PAPOLA: variants seen among roughly 807,000 people sequenced by gnomAD.
PAPOLA encodes poly(A) polymerase alpha.
PAPOLA carries 15 observed loss-of-function variants against 100.6 expected under a neutral mutation model. The ratio of observed to expected loss-of-function variants is 0.15; its 90% confidence interval spans 0.10 to 0.23. PAPOLA has a LOEUF of 0.23. Ranked by LOEUF, PAPOLA falls within the 10% of genes least tolerant of loss-of-function variation. The pLI, the probability that PAPOLA is intolerant of heterozygous loss-of-function variation, is 1.00. For synonymous variants in PAPOLA, 293 were observed against 300.0 expected, an observed-to-expected ratio of 0.98 and a Z score of 0.24; for missense variants, 533 against 884.2, an observed-to-expected ratio of 0.60 and a Z score of 5.04.
chr14:96,552,626 A>G lies in PAPOLA; in HGVS notation c.1664+4A>G, dbSNP rs1900935104. The G allele has an allele frequency of 3.7e-6, 6 of 1,610,230 alleles. No homozygotes were observed. In the East Asian group the frequency reaches 1.1e-4, roughly 30 times the overall value. On this transcript the variant is annotated splice_donor_region_variant and intron_variant, in intron 17 of 21. Coordinates refer to ENST00000216277, the MANE Select transcript of PAPOLA (RefSeq NM_032632.5). Reference sequence around the variant, plus strand: ...ACAGTTCTGGCAGCTCTCAGGGGTAAGGAAAAAGAGGGAAATAGAAGTGGA... The same window carrying G: ...ACAGTTCTGGCAGCTCTCAGGGGTAGGGAAAAAGAGGGAAATAGAAGTGGA...
chr14:96,523,123 A>T (rs1395012041), intron 3 of PAPOLA, among the ~76,000 whole-genome samples: 2 of 150,868 alleles, frequency 1.3e-5, no homozygotes, highest in African/African-American at 4.8e-5. Flanking sequence ...TTAGTTTCTG[A>T]TAGAAAATAA....
intron 6 of PAPOLA, among the ~76,000 whole-genome samples, chr14:96,529,480 T>C (rs1394089602): frequency 6.6e-6 from 1 of 151,800 alleles, no homozygotes; most frequent in Non-Finnish European, 1.5e-5. Context: ...CCCAGCACTT[T>C]GGGAGGCCAA....
intron 1 of PAPOLA, among the ~76,000 whole-genome samples, chr14:96,506,153 C>T (rs1595490571): frequency 1.3e-5 from 2 of 152,200 alleles, no homozygotes; most frequent in South Asian, 2.1e-4. Flanking sequence ...CCCCCCCCAC[C>T]TCGGCCTCCC....
At position 96,556,398 on chromosome 14, in the gene PAPOLA, A is replaced by G; in HGVS notation, c.1989A>G (p.Lys663=). 6.2e-7 allele frequency: 1 copy of G among 1,605,684 alleles called. No homozygotes were observed. Among genetic ancestry groups the G allele is most frequent in the Non-Finnish European group, 8.5e-7 (1 of 1,172,488 alleles). ...CTCATAAAGAAGAGAGTCCCAAGAA[A>G]ACCAAAACAGAAGAGGTATATATAT... is the stretch of plus-strand genomic sequence containing the variant. The part of the protein sequence containing the change: ...SSPHKEESPK[K]TKTEEDETSE... The change falls in exon 19 of 22, where the codon AAA becomes AAG. Residue 663 remains lysine, a synonymous_variant. Transcript: ENST00000216277.
intron 15 of PAPOLA, among the ~76,000 whole-genome samples, chr14:96,545,118 G>T (rs1191326853): frequency 6.6e-6 from 1 of 151,994 alleles, no homozygotes; most frequent in Non-Finnish European, 1.5e-5. Context: ...GTAGTAAGTG[G>T]CATTTTTATT....
chr14:96,518,639 C>T (rs146891370), intron 1 of PAPOLA, among the ~76,000 whole-genome samples: 216 of 152,030 alleles, frequency 1.4e-3, no homozygotes, highest in African/African-American at 5.0e-3. Flanking sequence ...CCTCGTGATC[C>T]GCCCACCTCG....
rs10138471 is a variant in PAPOLA at position 96,563,440 on chromosome 14, G to C, written c.2142+547G>C. On this transcript the variant is annotated intron_variant, in intron 21 of 21. Transcript: ENST00000216277. ...TAGGCATCTGGAATCTTTTTTCATT[G>C]ATTTGTGAACCTTCATTTTGTTGAA... 1.7e-3 allele frequency among the ~76,000 whole-genome samples: 251 copies of C among 152,066 alleles called. 3 individuals carry two copies. Among genetic ancestry groups the C allele is most frequent in the African/African-American group, 5.9e-3 (245 of 41,504 alleles).
chr14:96,552,014 T>TA (rs1242930826), intron 16 of PAPOLA, among the ~76,000 whole-genome samples: 3 of 152,110 alleles, frequency 2.0e-5, no homozygotes, highest in African/African-American at 4.8e-5. Flanking sequence ...TTTTTGAAAT[T>TA]AAAAAAATTT....
intron 14 of PAPOLA, among the ~76,000 whole-genome samples, 160 bp from the exon 15 acceptor site, chr14:96,543,989 G>A (rs1277871624): frequency 6.6e-6 from 1 of 152,070 alleles, no homozygotes; most frequent in Non-Finnish European, 1.5e-5. Context: ...GAGGACAGGT[G>A]TGGGTGAGGA....
At chr14:96,534,363 A>G (rs1174040990) in intron 9 of PAPOLA, 128 bp from the exon 10 acceptor site, 4 of 1,483,162 alleles carry the variant, frequency 2.7e-6, no homozygotes, top group South Asian at 1.4e-5. Flanking sequence ...AGAAAGGATT[A>G]AAACGTTGTA....
chr14:96,543,538 C>T (rs1900160870), intron 14 of PAPOLA, among the ~76,000 whole-genome samples: 1 of 151,828 alleles, frequency 6.6e-6, no homozygotes, highest in Admixed American at 6.6e-5. Context: ...TTGTGTTATA[C>T]AGTATTCTTA....
chr14:96,533,064 T>G (rs1374299341), intron 9 of PAPOLA: 1 of 979,508 alleles, frequency 1.0e-6, no homozygotes, highest in African/African-American at 1.7e-5. Context: ...TCAGCATTTA[T>G]TTGGCCTAAT....
chr14:96,547,705 A>G (rs1256817804), intron 15 of PAPOLA, 92 bp from the exon 16 acceptor site: 5 of 917,140 alleles, frequency 5.5e-6, no homozygotes, highest in Non-Finnish European at 4.9e-6. Context: ...TGATGGAAAA[A>G]GGATCCCTAC....
intron 19 of PAPOLA, among the ~76,000 whole-genome samples, chr14:96,556,870 AATG>A (rs951681383): frequency 3.4e-4 from 52 of 152,060 alleles, no homozygotes; most frequent in African/African-American, 1.2e-3. Flanking sequence ...CTTCTTACTG[AATG>A]ATAAGTGCAT....
At chr14:96,543,033 G>T in intron 14 of PAPOLA, 140 bp downstream of exon 14, 5 of 857,840 alleles carry the variant, frequency 5.8e-6, no homozygotes, top group Non-Finnish European at 7.1e-6. Flanking sequence ...TTATAATTTA[G>T]TTTTTCCTGA....
At chr14:96,505,556 A>G (rs139585384) in intron 1 of PAPOLA, among the ~76,000 whole-genome samples, 2 of 152,304 alleles carry the variant, frequency 1.3e-5, no homozygotes, top group East Asian at 1.9e-4. Context: ...TGCAAGGTTT[A>G]GGCGAGACAA....
At chr14:96,537,151 G>A (rs988873176) in intron 12 of PAPOLA, 91 bp downstream of exon 12, 3 of 753,350 alleles carry the variant, frequency 4.0e-6, no homozygotes, top group Admixed American at 2.1e-5. Flanking sequence ...CTGGACTAAT[G>A]TTATTGGAAG....
intron 10 of PAPOLA, chr14:96,534,779 A>G: frequency 7.6e-7 from 1 of 1,312,404 alleles, no homozygotes; most frequent in Non-Finnish European, 9.7e-7. Flanking sequence ...AATTGTACAT[A>G]GTTTTTAATA....
chr14:96,525,676 A>AG (rs1313094952), intron 4 of PAPOLA, among the ~76,000 whole-genome samples: 1 of 152,332 alleles, frequency 6.6e-6, no homozygotes, highest in Admixed American at 6.5e-5. Context: ...GCTTGAGCCC[A>AG]GGGAGGTCAA....
Sources: gnomAD v4.1 joint callset for allele counts (sites outside exome capture counted in the v4.1 genomes callset) on GRCh38, gnomAD v4.1.1 for gene constraint, MANE v1.5 for transcripts, NCBI Gene and HGNC (gene_info 2026-07-23, HGNC 2026-07-21) for gene names.